Variants in PTPN4 observed in about 807,000 individuals in gnomAD.
PTPN4 encodes protein tyrosine phosphatase non-receptor type 4, also known as tyrosine-protein phosphatase non-receptor type 4.
A neutral mutation model predicts 135.5 loss-of-function variants in PTPN4; 49 were observed. The ratio of observed to expected loss-of-function variants is 0.36; its 90% confidence interval spans 0.29 to 0.46. The LOEUF is 0.46. Ranked by LOEUF, PTPN4 falls within the 20% of genes least tolerant of loss-of-function variation. PTPN4 has a pLI of 1.00. For synonymous variants in PTPN4, 333 were observed against 369.9 expected (o/e 0.90, Z 1.14); for missense variants, 860 against 1,101.0 (o/e 0.78, Z 3.10).
At chr2:119,909,933 A>C (rs890656669) in intron 10 of PTPN4, among the ~76,000 whole-genome samples, 2 of 152,142 alleles carry the variant, frequency 1.3e-5, no homozygotes, top group African/African-American at 4.8e-5. Flanking sequence ...TCATGATAAA[A>C]CTTGAATAGA....
At chr2:119,766,464 GTGTGTGTGTGTGTGTGTGTC>G (rs879294694) in intron 1 of PTPN4, among the ~76,000 whole-genome samples, 217 of 142,630 alleles carry the variant, frequency 1.5e-3, no homozygotes, top group African/African-American at 4.0e-3. Context: ...GTGTGTGTGT[GTGTGTGTGTGTGTGTGTGTC>G]TGTGTGTGTG....
chr2:119,766,043 C>T (rs1690611947), intron 1 of PTPN4, among the ~76,000 whole-genome samples: 1 of 152,112 alleles, frequency 6.6e-6, no homozygotes, highest in African/African-American at 2.4e-5. Context: ...AGCTTCCCAA[C>T]TGGTGTGCCA....
intron 1 of PTPN4, among the ~76,000 whole-genome samples, chr2:119,792,005 T>G (rs1013143529): frequency 2.0e-5 from 3 of 152,176 alleles, no homozygotes; most frequent in African/African-American, 7.2e-5. Context: ...TTTCAGTCTA[T>G]TCTTTCTGTT....
chr2:119,862,628 T>A lies in PTPN4; in HGVS notation c.231T>A (p.Asp77Glu). 6.2e-7 allele frequency: 1 copy of A among 1,609,816 alleles called. No individual in the cohort carries two copies. Among genetic ancestry groups the A allele is most frequent in the Non-Finnish European group, 8.5e-7 (1 of 1,176,500 alleles). The change falls in exon 3 of 27, where the codon GAT becomes GAA. Residue 77 changes from aspartate to glutamate, a missense_variant. Physicochemically the swap from Asp to Glu is conservative, Grantham distance 45. Coordinates refer to ENST00000263708, the MANE Select transcript of PTPN4 (RefSeq NM_002830.4). Reference sequence around the variant, plus strand: ...ATTTTGGTTTACAGTTGGCTGATGATTCCACAGATAACCCAGTAAGTGTAA... The same window carrying A: ...ATTTTGGTTTACAGTTGGCTGATGAATCCACAGATAACCCAGTAAGTGTAA... The part of the protein sequence containing the change: ...QDYFGLQLAD[D>E]STDNPRWLDP...
At chr2:119,781,683 T>G (rs1474309132) in intron 1 of PTPN4, among the ~76,000 whole-genome samples, 31 of 152,148 alleles carry the variant, frequency 2.0e-4, no homozygotes, top group Admixed American at 2.0e-3. Flanking sequence ...TTTTAAAAAA[T>G]AAAAAATATT....
chr2:119,887,704 T>C (rs1237467418), intron 9 of PTPN4, among the ~76,000 whole-genome samples: 1 of 152,208 alleles, frequency 6.6e-6, no homozygotes, highest in Non-Finnish European at 1.5e-5. Flanking sequence ...TGGCTTTGTT[T>C]CTGGGTTCTC....
At chr2:119,915,351 T>C in intron 11 of PTPN4, 109 bp downstream of exon 11, 2 of 829,470 alleles carry the variant, frequency 2.4e-6, no homozygotes, top group South Asian at 4.6e-5. Context: ...ATTAATACTG[T>C]GGATAACTGC....
chr2:119,776,117 G>A (rs1690832574), intron 1 of PTPN4, among the ~76,000 whole-genome samples: 1 of 152,034 alleles, frequency 6.6e-6, no homozygotes. Context: ...CTAAAATACG[G>A]GCACTGAAAC....
chr2:119,965,473 G>A (rs1047422569), intron 24 of PTPN4, 24 bp from the exon 25 acceptor site: 1 of 1,587,590 alleles, frequency 6.3e-7, no homozygotes, highest in Non-Finnish European at 8.6e-7. Context: ...AAGTCAAGGT[G>A]CATAATTTTT....
chr2:119,781,869 C>T (rs537916044), intron 1 of PTPN4, among the ~76,000 whole-genome samples: 19 of 152,194 alleles, frequency 1.2e-4, no homozygotes, highest in South Asian at 1.0e-3. Context: ...CTGCCTGGCT[C>T]CTTACTGAAA....
At chr2:119,848,204 C>T (rs148224315) in intron 2 of PTPN4, among the ~76,000 whole-genome samples, 3,507 of 145,790 alleles carry the variant, frequency 0.024, 60 homozygotes, top group Non-Finnish European at 0.033. Flanking sequence ...GATGGAGTCT[C>T]GCTCTGTCAC....
intron 1 of PTPN4, among the ~76,000 whole-genome samples, chr2:119,778,526 G>A (rs984155728): frequency 1.2e-4 from 18 of 152,284 alleles, no homozygotes; most frequent in African/African-American, 4.1e-4. Context: ...GTATATTGAA[G>A]GCATAGGTTT....
chr2:119,907,049 C>T (rs1313971576), intron 10 of PTPN4, among the ~76,000 whole-genome samples: 1 of 152,140 alleles, frequency 6.6e-6, no homozygotes, highest in Non-Finnish European at 1.5e-5. Flanking sequence ...AACGCAATCT[C>T]ATTTACAGTA....
intron 9 of PTPN4, among the ~76,000 whole-genome samples, chr2:119,895,455 A>C (rs1678307194): frequency 6.6e-6 from 1 of 151,860 alleles, no homozygotes; most frequent in Admixed American, 6.6e-5. Context: ...GCCTGGCCAA[A>C]ATGGCCAAAC....
chr2:119,810,900 A>C (rs1691562594), intron 2 of PTPN4, among the ~76,000 whole-genome samples: 1 of 152,062 alleles, frequency 6.6e-6, no homozygotes, highest in Non-Finnish European at 1.5e-5. Context: ...CACATCCCTA[A>C]ATTTAACTTT....
At chr2:119,940,104 G>A (rs1238771754) in intron 15 of PTPN4, among the ~76,000 whole-genome samples, 1 of 152,166 alleles carries the variant, frequency 6.6e-6, no homozygotes, top group Non-Finnish European at 1.5e-5. Flanking sequence ...AGAATCTCAG[G>A]TTGCTGGGAG....
At chr2:119,908,001 A>G (rs150109515) in intron 10 of PTPN4, among the ~76,000 whole-genome samples, 11 of 152,314 alleles carry the variant, frequency 7.2e-5, no homozygotes, top group African/African-American at 2.6e-4. Flanking sequence ...AAACTGCTAA[A>G]TGAACATAGA....
At chr2:119,795,716 A>G (rs188923261) in intron 1 of PTPN4, among the ~76,000 whole-genome samples, 6 of 152,318 alleles carry the variant, frequency 3.9e-5, no homozygotes, top group African/African-American at 1.4e-4. Flanking sequence ...TTGCAGCAAC[A>G]TCCATGCCTG....
intron 5 of PTPN4, among the ~76,000 whole-genome samples, chr2:119,878,363 A>C (rs1678016256): frequency 6.6e-6 from 1 of 152,210 alleles, no homozygotes; most frequent in Admixed American, 6.5e-5. Context: ...AAAAATTAGC[A>C]TGTTATACTC....
Sources: gnomAD v4.1 joint callset for allele counts (sites outside exome capture counted in the v4.1 genomes callset) on GRCh38, gnomAD v4.1.1 for gene constraint, MANE v1.5 for transcripts, NCBI Gene and HGNC (gene_info 2026-07-23, HGNC 2026-07-21) for gene names.